The following ANAPC1 variants were observed in gnomAD, a reference collection of about 807,000 sequenced individuals.
The protein encoded by ANAPC1 is anaphase promoting complex subunit 1, also known as anaphase-promoting complex subunit 1.
A neutral mutation model predicts 208.0 loss-of-function variants in ANAPC1; 36 were observed. The observed-to-expected ratio is 0.17, with a 90% CI of 0.13 to 0.23. ANAPC1 has a LOEUF of 0.23. Ranked by LOEUF, ANAPC1 falls within the 10% of genes least tolerant of loss-of-function variation. ANAPC1 has a pLI of 1.00. For synonymous variants in ANAPC1, 378 were observed against 695.2 expected, an observed-to-expected ratio of 0.54 and a Z score of 7.18; for missense variants, 942 against 2,011.6, an observed-to-expected ratio of 0.47 and a Z score of 10.17.
chr2:111,837,648 TATAAAA>T (rs1680542163), intron 18 of ANAPC1, among the ~76,000 whole-genome samples: 1 of 152,044 alleles, frequency 6.6e-6, no homozygotes. Context: ...TTTATGGAGT[TATAAAA>T]ATATTGTGTG....
At chr2:111,791,682 T>C (rs1025141502) in intron 38 of ANAPC1, among the ~76,000 whole-genome samples, 21 of 152,014 alleles carry the variant, frequency 1.4e-4, no homozygotes, top group Non-Finnish European at 2.4e-4. Flanking sequence ...AATTTAAATG[T>C]CAAAAACAGG....
At position 111,781,659 on chromosome 2, in the gene ANAPC1, G is replaced by A. The variant is rs544764923; in HGVS notation, c.5202+710C>T. 7.2e-4 allele frequency among the ~76,000 whole-genome samples: 110 copies of A among 152,354 alleles called. 2 individuals are homozygous for A. Among genetic ancestry groups the A allele is most frequent in the Admixed American group, 6.9e-3 (106 of 15,300 alleles). ...TAACTACTTTAGACTACTCTACTTT[G>A]TATCACCAGCAGGGACACAGTTGCT... On this transcript the variant is annotated intron_variant, in intron 43 of 47. Transcript: ENST00000341068.
At position 111,858,379 on chromosome 2, in the gene ANAPC1, T is replaced by G; in HGVS notation, c.1285A>C (p.Lys429Gln). The G allele has an allele frequency of 6.2e-7, 1 of 1,613,426 alleles. No individual in the cohort carries two copies. The highest frequency in any genetic ancestry group is 8.5e-7 in the Non-Finnish European group (1 of 1,179,558). The change falls in exon 11 of 48, where the codon AAA (lysine) becomes CAA (glutamine). Residue 429 changes from lysine (K) to glutamine (Q), a missense_variant. Physicochemically the swap from Lys to Gln is moderately conservative, Grantham distance 53. Coordinates refer to ENST00000341068, the MANE Select transcript of ANAPC1 (RefSeq NM_022662.4). ...NIREKNSQAS[K>Q]VFITSDLCGQ... ...CATAGGTCAGATGTAATAAACACTT[T>G]TGAGGCTTGTGAATTTTTCTCTCTA...
In ANAPC1 at chr2:111,782,350, T is replaced by C; in HGVS notation, c.5202+19A>G. 6.2e-7 allele frequency: 1 copy of C among 1,613,138 alleles called. No homozygotes were observed. Among genetic ancestry groups the C allele is most frequent in the Non-Finnish European group, 8.5e-7 (1 of 1,179,432 alleles). ...ATTTAGAATTATTTCTTTCCGTTTT[T>C]ACCAATCAATAATACTACCTTGAAA... On this transcript the variant is annotated intron_variant, in intron 43 of 47. Coordinates refer to ENST00000341068, the MANE Select transcript of ANAPC1 (RefSeq NM_022662.4).
chr2:111,883,456 G>A (rs1246505206), intron 1 of ANAPC1, among the ~76,000 whole-genome samples: 3 of 150,988 alleles, frequency 2.0e-5, no homozygotes, highest in Non-Finnish European at 4.4e-5. Flanking sequence ...AACATAAACA[G>A]CTACACGTAA....
intron 3 of ANAPC1, among the ~76,000 whole-genome samples, chr2:111,877,905 A>T (rs1683102939): frequency 6.6e-6 from 1 of 152,200 alleles, no homozygotes; most frequent in African/African-American, 2.4e-5. Flanking sequence ...ATTTCCTATA[A>T]ATAGGAAGTT....
At chr2:111,855,772 C>T (rs1031718564) in intron 13 of ANAPC1, among the ~76,000 whole-genome samples, 6 of 151,718 alleles carry the variant, frequency 4.0e-5, no homozygotes, top group Non-Finnish European at 7.4e-5. Flanking sequence ...GATGCAATCA[C>T]AAAAGAATGT....
chr2:111,840,723 A>C (rs1166442603), intron 17 of ANAPC1, among the ~76,000 whole-genome samples: 2 of 152,216 alleles, frequency 1.3e-5, no homozygotes, highest in Non-Finnish European at 2.9e-5. Context: ...ATTGGGGATA[A>C]TGTCACTCGG....
chr2:111,862,500 G>A lies in ANAPC1; in HGVS notation c.1151C>T (p.Ser384Phe), dbSNP rs1682127421. 6.2e-7 allele frequency: 1 copy of A among 1,611,472 alleles called. No homozygotes were observed. Among genetic ancestry groups the A allele is most frequent in the Non-Finnish European group, 8.5e-7 (1 of 1,179,484 alleles). Residue 384 changes from serine to phenylalanine, a missense_variant, in exon 10 of 48, where the codon TCT becomes TTT. Coordinates refer to ENST00000341068, the MANE Select transcript of ANAPC1 (RefSeq NM_022662.4). The stretch of plus-strand genomic sequence containing the variant: ...ATTAGAATTACTATTTGGAGAATGA[G>A]AAATACTATGTCTCTTTGGAGACTG... The part of the protein sequence containing the change: ...HNQSPKRHSI[S>F]HSPNSNSNGS...
At chr2:111,858,430 G>A in intron 10 of ANAPC1, 29 bp from the exon 11 acceptor site, 1 of 1,557,266 alleles carries the variant, frequency 6.4e-7, no homozygotes, top group Non-Finnish European at 8.8e-7. Context: ...TAAAGTAACT[G>A]TCAGCACTGG....
chr2:111,792,219 C>G, intron 38 of ANAPC1, 143 bp downstream of exon 38: 3 of 588,078 alleles, frequency 5.1e-6, no homozygotes, highest in Non-Finnish European at 9.1e-6. Flanking sequence ...ACAAAGAAGC[C>G]CATCAAGTCG....
chr2:111,771,928 T>TA (rs1261796839), intron 47 of ANAPC1, among the ~76,000 whole-genome samples: 1 of 151,054 alleles, frequency 6.6e-6, no homozygotes, highest in African/African-American at 2.4e-5. Context: ...AAAACTATTA[T>TA]AAAAAAATTC....
chr2:111,789,295 T>C (rs1485454526), intron 38 of ANAPC1, among the ~76,000 whole-genome samples: 1 of 151,716 alleles, frequency 6.6e-6, no homozygotes, highest in Non-Finnish European at 1.5e-5. Flanking sequence ...TAAATTACTT[T>C]ATTGTTGCTC....
rs577350258 is a variant in ANAPC1 at position 111,873,700 on chromosome 2, A to G, written c.376-36T>C. On this transcript the variant is annotated intron_variant, in intron 3 of 47. Coordinates refer to ENST00000341068, the MANE Select transcript of ANAPC1 (RefSeq NM_022662.4). The stretch of plus-strand genomic sequence containing the variant: ...AACAAAATGCTTACCTAAGAAAATT[A>G]TATCTAAATAATCATCTATTAACTA... 6.5e-5 allele frequency: 100 copies of G among 1,546,790 alleles called. 1 individual carries two copies. The East Asian group carries it at 1.7e-3, about 26-fold the overall frequency.
chr2:111,879,669 G>A (rs2104613190), intron 2 of ANAPC1, among the ~76,000 whole-genome samples: 1 of 151,600 alleles, frequency 6.6e-6, no homozygotes, highest in East Asian at 2.0e-4. Context: ...TCTGGAGTTT[G>A]AGACTAGCCT....
rs1480367982 is a variant in ANAPC1, at chr2:111,878,813, C to T, written c.372G>A (p.Gln124=). The change falls in exon 3 of 48, where the codon CAG becomes CAA. Residue 124 remains glutamine (Q), a synonymous_variant. Transcript: ENST00000341068. The stretch of plus-strand genomic sequence containing the variant: ...GCTAAAATTCAAATCAACTCACCTG[C>T]TGAACAGGACTGTCAACTGTAAATG... ...YKAFTVDSPV[Q]QALWCDFIIS... is the part of the protein sequence containing the mutation. The T allele has an allele frequency of 3.8e-6, 6 of 1,589,066 alleles. No individual in the cohort carries two copies. In the African/African-American group the frequency reaches 5.5e-5, roughly 14 times the overall value.
rs1300937887 is a variant in ANAPC1, at chr2:111,825,056, A to T, written c.2742-20T>A. The T allele has an allele frequency of 6.2e-6, 10 of 1,613,800 alleles. No homozygotes were observed. The highest frequency in any genetic ancestry group is 8.5e-6 in the Non-Finnish European group (10 of 1,179,848). On this transcript the variant is annotated intron_variant, in intron 23 of 47. Coordinates refer to ENST00000341068, the MANE Select transcript of ANAPC1 (RefSeq NM_022662.4). ...CTAAACCTATAAGAGAATAAAACAT[A>T]AAGTTATTAAGCAGAACAGTAAATA...
At chr2:111,869,407 C>T (rs1558739785) in intron 6 of ANAPC1, among the ~76,000 whole-genome samples, 1 of 152,106 alleles carries the variant, frequency 6.6e-6, no homozygotes, top group Non-Finnish European at 1.5e-5. Flanking sequence ...CCACGCTTGG[C>T]TAATTTTTTG....
chr2:111,847,590 T>A, intron 15 of ANAPC1, 135 bp downstream of exon 15: 1 of 1,271,322 alleles, frequency 7.9e-7, no homozygotes, highest in Non-Finnish European at 1.0e-6. Flanking sequence ...AGTAAAATCG[T>A]GCCAAAAAAT....
Sources: allele counts gnomAD v4.1 joint callset (sites outside exome capture counted in the v4.1 genomes callset), GRCh38; gene constraint gnomAD v4.1.1; transcripts MANE v1.5; gene names NCBI Gene and HGNC (gene_info 2026-07-23, HGNC 2026-07-21).